Variants in DLGAP1 observed in about 807,000 individuals in gnomAD.
DLGAP1 encodes the protein disks large-associated protein 1.
In DLGAP1, 11 loss-of-function variants were observed where a neutral mutation model predicts 90.8. That is an observed-to-expected ratio of 0.12 (90% CI 0.08 to 0.20). DLGAP1 has a LOEUF of 0.20. DLGAP1 is among the 10% of genes least tolerant of loss of function. DLGAP1 has a pLI of 1.00. For missense variants in DLGAP1, 1,050 were observed against 1,333.8 expected, an observed-to-expected ratio of 0.79 and a Z score of 3.31; for synonymous variants, 558 against 540.7, an observed-to-expected ratio of 1.03 and a Z score of -0.44.
Position 3,526,235 on chromosome 18 carries a change from C to T in DLGAP1, c.2479+7959G>A, listed in dbSNP as rs748843970. ...ATTGCTCCCCACTTAGAAACACACA[C>T]GGGCTGGAGGCAGATGAATTGCAGA... is the stretch of plus-strand genomic sequence containing the variant. On this transcript the variant is annotated intron_variant, in intron 10 of 12. Coordinates refer to ENST00000315677, the MANE Select transcript of DLGAP1 (RefSeq NM_004746.4). This position sits in a 1 kb window ranked among gnomAD's most constrained non-coding sequence, Gnocchi z 4.7. Among the ~76,000 whole-genome samples the T allele has an allele frequency of 2.0e-5, 3 of 152,108 alleles. No homozygotes were observed. The highest frequency in any genetic ancestry group is 4.4e-5 in the Non-Finnish European group (3 of 68,028).
intron 3 of DLGAP1, chr18:3,885,289 T>C (rs1372615662): frequency 6.6e-6 from 1 of 152,250 alleles, no homozygotes; most frequent in Non-Finnish European, 1.5e-5. Flanking sequence ...CCACCTGTGG[T>C]GTGACCAAGA....
chr18:4,218,826 T>TAC (rs58376566), intron 1 of DLGAP1, among the ~76,000 whole-genome samples: 111,193 of 145,682 alleles, frequency 0.76, 42,415 homozygotes, highest in East Asian at 0.94. Context: ...TATACATACA[T>TAC]ACACACACAC....
chr18:3,960,908 G>C (rs1171193369), intron 3 of DLGAP1, among the ~76,000 whole-genome samples: 2 of 152,194 alleles, frequency 1.3e-5, no homozygotes, highest in Non-Finnish European at 2.9e-5. Context: ...AGTGAATCCT[G>C]GTACATGGGA....
chr18:4,344,968 T>C (rs1457748856), intron 1 of DLGAP1, among the ~76,000 whole-genome samples: 1 of 152,220 alleles, frequency 6.6e-6, no homozygotes, highest in Admixed American at 6.5e-5. Context: ...CATGTTAATA[T>C]TCAATATCTC....
At chr18:4,392,782 G>C (rs910190946) in intron 1 of DLGAP1, among the ~76,000 whole-genome samples, 1 of 151,968 alleles carries the variant, frequency 6.6e-6, no homozygotes, top group Non-Finnish European at 1.5e-5. Flanking sequence ...TTTTCTCCTG[G>C]GTGTCTCAAA....
intron 9 of DLGAP1, among the ~76,000 whole-genome samples, chr18:3,556,891 G>A (rs2053782556): frequency 6.6e-6 from 1 of 152,178 alleles, no homozygotes; most frequent in Admixed American, 6.6e-5. Context: ...CAAGGCATAT[G>A]GATTGCTCAT....
intron 1 of DLGAP1, among the ~76,000 whole-genome samples, chr18:4,249,593 A>AT (rs1422520132): frequency 2.6e-5 from 4 of 151,772 alleles, no homozygotes; most frequent in African/African-American, 7.2e-5. Context: ...AAGTTTATTT[A>AT]TTTTTTTCTT....
chr18:4,298,444 T>TA (rs2080037851), intron 1 of DLGAP1, among the ~76,000 whole-genome samples: 1 of 152,108 alleles, frequency 6.6e-6, no homozygotes, highest in Non-Finnish European at 1.5e-5. Context: ...TATGCAGCCA[T>TA]AAAAAATGAT....
intron 1 of DLGAP1, among the ~76,000 whole-genome samples, chr18:4,307,032 T>C (rs73378938): frequency 0.017 from 2,558 of 152,284 alleles, 64 homozygotes; most frequent in African/African-American, 0.057. Flanking sequence ...ATAAAAACTA[T>C]CAAAAGTTTG....
At chr18:4,389,108 C>T (rs570102701) in intron 1 of DLGAP1, among the ~76,000 whole-genome samples, 1 of 152,270 alleles carries the variant, frequency 6.6e-6, no homozygotes, top group South Asian at 2.1e-4. Flanking sequence ...GGAAGCAACA[C>T]AACTGATCAT....
chr18:4,092,586 T>A (rs1392652118), intron 2 of DLGAP1, among the ~76,000 whole-genome samples: 1 of 152,202 alleles, frequency 6.6e-6, no homozygotes, highest in Non-Finnish European at 1.5e-5. Context: ...TTCCTTGTAT[T>A]CTTTCCTTAA....
intron 3 of DLGAP1, among the ~76,000 whole-genome samples, chr18:4,002,387 C>G (rs1599303558): frequency 6.6e-6 from 1 of 152,106 alleles, no homozygotes; most frequent in East Asian, 1.9e-4. Flanking sequence ...TTTCTTCTGC[C>G]TCTCCCCGGC....
At chr18:3,628,845 T>C (rs1444955042) in intron 7 of DLGAP1, among the ~76,000 whole-genome samples, 1 of 152,180 alleles carries the variant, frequency 6.6e-6, no homozygotes, top group African/African-American at 2.4e-5. Context: ...TATATGAAAA[T>C]ACCATTTCAT....
chr18:4,053,913 C>T (rs74627145), intron 2 of DLGAP1, among the ~76,000 whole-genome samples: 5,176 of 152,236 alleles, frequency 0.034, 94 homozygotes, highest in Non-Finnish European at 0.045. Context: ...TCTGTTCATG[C>T]AGATAAACCT....
rs573313817 is a variant in DLGAP1 at position 4,408,192 on chromosome 18, CAG to C, written c.-267+46812_-267+46813del. Among the ~76,000 whole-genome samples, 61 of 152,190 alleles carry C rather than the reference CAG, an allele frequency of 4.0e-4. 2 individuals are homozygous for C. In the South Asian group the frequency reaches 0.011, roughly 28 times the overall value. Reference sequence around the variant, plus strand: ...GCTCCAAAGAAAAGTTATTCTTGATCAGAGTCTTCCCAAAAGGGTCGATATTT... The same window carrying C: ...GCTCCAAAGAAAAGTTATTCTTGATCAGTCTTCCCAAAAGGGTCGATATTT... On this transcript the variant is annotated intron_variant, in intron 1 of 12. Transcript: ENST00000315677.
intron 11 of DLGAP1, among the ~76,000 whole-genome samples, chr18:3,504,114 CAGAT>C (rs988708905): frequency 1.9e-4 from 29 of 151,864 alleles, no homozygotes; most frequent in Non-Finnish European, 2.2e-4. Context: ...AATAAATAAA[CAGAT>C]AGATAGATAG....
At chr18:3,675,456 C>A (rs1255759875) in intron 7 of DLGAP1, among the ~76,000 whole-genome samples, 2 of 152,212 alleles carry the variant, frequency 1.3e-5, no homozygotes, top group East Asian at 1.9e-4. Context: ...TCAGATCCAG[C>A]AACATCTGTT....
intron 1 of DLGAP1, among the ~76,000 whole-genome samples, chr18:4,445,454 C>A (rs111924824): frequency 8.3e-6 from 1 of 120,384 alleles, no homozygotes; most frequent in Admixed American, 9.7e-5. Context: ...CCCCTCCCCC[C>A]ACCCCACCAC....
At chr18:4,363,590 G>A (rs569105424) in intron 1 of DLGAP1, among the ~76,000 whole-genome samples, 2 of 152,280 alleles carry the variant, frequency 1.3e-5, no homozygotes, top group South Asian at 2.1e-4. Flanking sequence ...CAAAAAGTGG[G>A]CGAAGGACAT....
Sources: gnomAD v4.1 joint callset for allele counts (sites outside exome capture counted in the v4.1 genomes callset) on GRCh38, gnomAD v4.1.1 for gene constraint, Gnocchi (gnomAD v3.1) non-coding constraint, MANE v1.5 for transcripts, NCBI Gene and HGNC (gene_info 2026-07-23, HGNC 2026-07-21) for gene names.